The following FAM114A1 variants were observed in gnomAD, a reference collection of about 807,000 sequenced individuals.
FAM114A1 encodes the protein protein NOXP20.
FAM114A1 carries 62 observed loss-of-function variants against 64.3 expected under a neutral mutation model. The observed-to-expected ratio is 0.96, with a 90% CI of 0.79 to 1.19. FAM114A1 has a LOEUF of 1.19. Among genes scored for constraint, FAM114A1 ranks in the 50% most tolerant of loss-of-function variants. FAM114A1 has a pLI of 0.00. For missense variants in FAM114A1, 645 were observed against 676.3 expected (o/e 0.95, Z 0.51); for synonymous variants, 254 against 251.1 (o/e 1.01, Z -0.11).
chr4:38,915,445 A>G (rs74626087), intron 8 of FAM114A1, among the ~76,000 whole-genome samples: 1,783 of 152,238 alleles, frequency 0.012, 38 homozygotes, highest in African/African-American at 0.041. Flanking sequence ...TTCCTACCCA[A>G]TGCAAACAAA....
intron 9 of FAM114A1, among the ~76,000 whole-genome samples, chr4:38,925,177 G>A (rs1188983151): frequency 2.0e-5 from 3 of 152,108 alleles, no homozygotes; most frequent in African/African-American, 4.8e-5. Flanking sequence ...GGTTTGCCTC[G>A]CCTTAATTTG....
In FAM114A1 at chr4:38,878,247, G is replaced by A; in HGVS notation, c.169G>A (p.Ala57Thr). ...CAGAGGGGAGGGGCATGAAAATGCAGCTGTGCAGGGTGCAGGGGCTGCCGC... is the reference window on the plus strand; with the variant it reads ...CAGAGGGGAGGGGCATGAAAATGCAACTGTGCAGGGTGCAGGGGCTGCCGC... ...DPRGEGHENA[A>T]VQGAGAAAIG... The change falls in exon 3 of 15, where the codon GCT (alanine) becomes ACT (threonine). Residue 57 changes from alanine (A) to threonine (T), a missense_variant. Transcript: ENST00000358869. 1 of 1,614,262 alleles carries A rather than the reference G, an allele frequency of 6.2e-7. No homozygotes were observed. Among genetic ancestry groups the A allele is most frequent in the Non-Finnish European group, 8.5e-7 (1 of 1,180,052 alleles).
At position 38,915,016 on chromosome 4, in the gene FAM114A1, T is replaced by A; in HGVS notation, c.888T>A (p.Tyr296Ter). 1 of 1,614,158 alleles carries A rather than the reference T, an allele frequency of 6.2e-7. No homozygotes were observed. The highest frequency in any genetic ancestry group is 8.5e-7 in the Non-Finnish European group (1 of 1,180,026). The stretch of plus-strand genomic sequence containing the variant: ...ACTACGGGATGCTGTTTGATGAATA[T>A]CAAGGCTTGTCACACCTGGAAGCCC... ...TAHYGMLFDEYQGLSHLEALE... is the reference protein window; with the variant it reads ...TAHYGMLFDE The change falls in exon 8 of 15, where the codon TAT becomes TAA. Residue 296 changes from tyrosine (Y) to a stop codon, truncating the protein, a stop_gained. Coordinates refer to ENST00000358869, the MANE Select transcript of FAM114A1 (RefSeq NM_138389.4). LOFTEE classifies it high-confidence loss of function.
intron 3 of FAM114A1, among the ~76,000 whole-genome samples, chr4:38,890,576 A>G (rs1031106813): frequency 2.0e-5 from 3 of 151,884 alleles, no homozygotes; most frequent in Non-Finnish European, 4.4e-5. Context: ...TCTTTTGAGT[A>G]AAAAAGAGCT....
At chr4:38,877,044 C>A (rs544540945) in intron 2 of FAM114A1, among the ~76,000 whole-genome samples, 1 of 152,254 alleles carries the variant, frequency 6.6e-6, no homozygotes, top group South Asian at 2.1e-4. Context: ...TGCAAGGTCC[C>A]TTTTGTTATG....
Position 38,943,597 on chromosome 4 carries a change from G to A in FAM114A1, c.*40G>A, listed in dbSNP as rs759010686. 9.6e-6 allele frequency: 15 copies of A among 1,563,424 alleles called. No homozygotes were observed. The highest frequency in any genetic ancestry group is 1.9e-4 in the Middle Eastern group (1 of 5,200). The stretch of plus-strand genomic sequence containing the variant: ...ATCTAGTTAAAGGAGACAGCTGGCC[G>A]CCTTGCCTCAATATGTACCATTTAA... On this transcript the variant is annotated 3_prime_UTR_variant, in exon 15 of 15. Transcript: ENST00000358869.
intron 9 of FAM114A1, among the ~76,000 whole-genome samples, chr4:38,925,666 G>A (rs1201453032): frequency 2.6e-5 from 4 of 152,154 alleles, no homozygotes; most frequent in Admixed American, 2.6e-4. Context: ...TTTTCCAGCA[G>A]AGTGTAATTT....
At chr4:38,919,778 C>G (rs1054496064) in intron 8 of FAM114A1, among the ~76,000 whole-genome samples, 4 of 152,198 alleles carry the variant, frequency 2.6e-5, no homozygotes, top group African/African-American at 9.7e-5. Flanking sequence ...TGCACATCTT[C>G]TCTGCTGACA....
chr4:38,915,779 G>A (rs1387910864), intron 8 of FAM114A1, among the ~76,000 whole-genome samples: 1 of 151,388 alleles, frequency 6.6e-6, no homozygotes, highest in Non-Finnish European at 1.5e-5. Context: ...GTGTGTGTGT[G>A]TGTGTGTGTG....
At chr4:38,899,025 T>TTATATA (rs200609973) in intron 4 of FAM114A1, among the ~76,000 whole-genome samples, 6 of 130,572 alleles carry the variant, frequency 4.6e-5, no homozygotes, top group South Asian at 2.5e-4. Context: ...CATATATATG[T>TTATATA]TATATATATA....
intron 3 of FAM114A1, among the ~76,000 whole-genome samples, chr4:38,890,700 G>T (rs1035025695): frequency 2.0e-5 from 3 of 152,160 alleles, no homozygotes; most frequent in Non-Finnish European, 2.9e-5. Flanking sequence ...GGACTCATTG[G>T]TTGCAAGTAA....
At chr4:38,883,343 T>G in intron 3 of FAM114A1, among the ~76,000 whole-genome samples, 1 of 152,224 alleles carries the variant, frequency 6.6e-6, no homozygotes, top group Non-Finnish European at 1.5e-5. Flanking sequence ...TCAAAGATGT[T>G]TGTCTTGAGT....
intron 8 of FAM114A1, among the ~76,000 whole-genome samples, chr4:38,917,985 G>T (rs1030538300): frequency 6.6e-6 from 1 of 151,942 alleles, no homozygotes; most frequent in Non-Finnish European, 1.5e-5. Flanking sequence ...GGGAAGCTGA[G>T]ACAGGCGGAT....
chr4:38,887,879 C>G (rs1277991714), intron 3 of FAM114A1, among the ~76,000 whole-genome samples: 2 of 152,134 alleles, frequency 1.3e-5, no homozygotes, highest in African/African-American at 2.4e-5. Context: ...CCCTTTTTAG[C>G]GTAGCTATGT....
At chr4:38,904,025 G>GA (rs1355288098) in intron 4 of FAM114A1, among the ~76,000 whole-genome samples, 1 of 152,150 alleles carries the variant, frequency 6.6e-6, no homozygotes, top group Non-Finnish European at 1.5e-5. Context: ...TCTTATTCAG[G>GA]AAATGGGCAA....
At chr4:38,923,875 A>G (rs1253272892) in intron 9 of FAM114A1, among the ~76,000 whole-genome samples, 2 of 152,220 alleles carry the variant, frequency 1.3e-5, no homozygotes, top group Non-Finnish European at 2.9e-5. Context: ...TGGGTTGGGC[A>G]TGGTTAATGA....
chr4:38,898,231 T>A (rs1443107171), intron 4 of FAM114A1, among the ~76,000 whole-genome samples: 2 of 151,942 alleles, frequency 1.3e-5, no homozygotes, highest in South Asian at 2.1e-4. Context: ...TATGCAAGAG[T>A]ACCTGAGGTT....
intron 13 of FAM114A1, among the ~76,000 whole-genome samples, chr4:38,936,830 A>C (rs1209278526): frequency 6.6e-6 from 1 of 151,390 alleles, no homozygotes; most frequent in Admixed American, 6.6e-5. Flanking sequence ...GATTACAGGC[A>C]TGAGCCACCG....
intron 3 of FAM114A1, among the ~76,000 whole-genome samples, chr4:38,883,839 G>A (rs756427339): frequency 3.3e-5 from 5 of 152,160 alleles, no homozygotes; most frequent in Non-Finnish European, 5.9e-5. Flanking sequence ...TTCCCTGAAC[G>A]GTGACACCCA....
Sources: allele counts gnomAD v4.1 joint callset (sites outside exome capture counted in the v4.1 genomes callset), GRCh38; gene constraint gnomAD v4.1.1; transcripts MANE v1.5; gene names NCBI Gene and HGNC (gene_info 2026-07-23, HGNC 2026-07-21).